ASB18: variants seen among roughly 807,000 people sequenced by gnomAD.
ASB18 encodes ankyrin repeat and SOCS box containing 18, also known as ankyrin repeat and SOCS box protein 18.
In ASB18, 33 loss-of-function variants were observed where a neutral mutation model predicts 33.4. The observed-to-expected ratio is 0.99, with a 90% CI of 0.75 to 1.32. ASB18 has a LOEUF of 1.32. ASB18 is among the 40% of genes most tolerant of loss of function. The pLI is 0.00. For synonymous variants in ASB18, 295 were observed against 307.6 expected, an observed-to-expected ratio of 0.96 and a Z score of 0.43; for missense variants, 694 against 655.5, an observed-to-expected ratio of 1.06 and a Z score of -0.64.
rs770714210 is a variant in ASB18 at position 236,241,634 on chromosome 2, G to T, written c.206-232C>A. On this transcript the variant is annotated intron_variant, in intron 1 of 5. Coordinates refer to ENST00000409749, the MANE Select transcript of ASB18 (RefSeq NM_212556.4). This position sits in a 1 kb window ranked among gnomAD's most constrained non-coding sequence, Gnocchi z 4.2. The stretch of plus-strand genomic sequence containing the variant: ...TGTCATCCAGTTGGGGCTCGATGGT[G>T]GTATATTTATAACTCCTGTGGGCTC... 3.1e-6 allele frequency: 2 copies of T among 636,808 alleles called. No homozygotes were observed. The highest frequency in any genetic ancestry group is 5.6e-6 in the Non-Finnish European group (2 of 356,354). 39.4% of individuals were successfully genotyped at this position (636,808 alleles called of 1,614,324 possible).
In ASB18 at chr2:236,259,623, G is replaced by A; in HGVS notation, c.205+4518C>T. ...AGGTGAGCAGAGGAGGTGCAGCCCT[G>A]GCTGGGAGGATCCTGTTGGGATGGG... is the stretch of plus-strand genomic sequence containing the variant. On this transcript the variant is annotated intron_variant, in intron 1 of 5. Transcript: ENST00000409749. This position sits in a 1 kb window ranked among gnomAD's most constrained non-coding sequence, Gnocchi z 4.4. The A allele has an allele frequency of 2.1e-6, 1 of 470,246 alleles. No homozygotes were observed. Among genetic ancestry groups the A allele is most frequent in the Non-Finnish European group, 4.4e-6 (1 of 226,586 alleles). The allele number at this position is 470,246 out of a possible 1,614,324, so 29.1% of individuals were successfully genotyped here. A position where few individuals can be genotyped will look rare whatever the true frequency, so the allele number is the denominator to read the frequency against.
rs1576398564 is a variant in ASB18, at chr2:236,214,692, G to C, written c.771C>G (p.Ser257Arg). Residue 257 changes from serine (S) to arginine (R), a missense_variant, in exon 4 of 6, where the codon AGC (serine) becomes AGG (arginine). Transcript: ENST00000409749. The surrounding 1 kb of genome is among the most constrained non-coding windows in gnomAD (Gnocchi z 6.5). The part of the protein sequence containing the change: ...ARNGRGETAL[S>R]AACGAARRPD... ...GCCTCCGCGCCGCACCGCAGGCCGC[G>C]CTCAGAGCCGTCTCTCCGCGGCCGT... 8.7e-7 allele frequency: 1 copy of C among 1,145,402 alleles called. No homozygotes were observed. The highest frequency in any genetic ancestry group is 1.1e-6 in the Non-Finnish European group (1 of 933,538). The allele number at this position is 1,145,402 out of a possible 1,614,324, so 71.0% of individuals were successfully genotyped here.
In ASB18 at chr2:236,214,898, C is replaced by T. The variant is rs1199974768; in HGVS notation, c.597-32G>A. 2.2e-5 allele frequency: 26 copies of T among 1,206,624 alleles called. No homozygotes were observed. The highest frequency in any genetic ancestry group is 3.2e-5 in the African/African-American group (2 of 63,174). 74.7% of individuals were successfully genotyped at this position (1,206,624 alleles called of 1,614,324 possible). On this transcript the variant is annotated intron_variant, in intron 3 of 5. Transcript: ENST00000409749. This position sits in a 1 kb window ranked among gnomAD's most constrained non-coding sequence, Gnocchi z 6.5. ...GAAGCCAGGGCCTGTCACTCGGGCGCCACGCAGGACGCCCGCACCCTTCCA... is the reference window on the plus strand; with the variant it reads ...GAAGCCAGGGCCTGTCACTCGGGCGTCACGCAGGACGCCCGCACCCTTCCA...
In ASB18 at chr2:236,222,515, A is replaced by G. The variant is rs191741982; in HGVS notation, c.597-7649T>C. ...AAATGATTTAGTGAACAAGATTTGT[A>G]CAGTCAGCTCCACTGTGTGCCCCAT... On this transcript the variant is annotated intron_variant, in intron 3 of 5. Coordinates refer to ENST00000409749, the MANE Select transcript of ASB18 (RefSeq NM_212556.4). The surrounding 1 kb of genome is among the most constrained non-coding windows in gnomAD (Gnocchi z 5.5). Among the ~76,000 whole-genome samples, 848 of 152,346 alleles carry G rather than the reference A, an allele frequency of 5.6e-3. 10 individuals carry two copies. Among genetic ancestry groups the G allele is most frequent in the African/African-American group, 0.02 (817 of 41,586 alleles).
chr2:236,230,652 C>T (rs1346822877), intron 3 of ASB18, among the ~76,000 whole-genome samples: 1 of 150,662 alleles, frequency 6.6e-6, no homozygotes, highest in East Asian at 1.9e-4. Flanking sequence ...AATAGTATTA[C>T]CTGAGGGTAG....
chr2:236,253,396 A>G lies in ASB18; in HGVS notation c.205+10745T>C, dbSNP rs1218850000. 6.6e-6 allele frequency among the ~76,000 whole-genome samples: 1 copy of G among 152,108 alleles called. No homozygotes were observed. Among genetic ancestry groups the G allele is most frequent in the Non-Finnish European group, 1.5e-5 (1 of 68,020 alleles). On this transcript the variant is annotated intron_variant, in intron 1 of 5. Coordinates refer to ENST00000409749, the MANE Select transcript of ASB18 (RefSeq NM_212556.4). The surrounding 1 kb of genome is among the most constrained non-coding windows in gnomAD (Gnocchi z 5.4). ...CTTTATTTTTGTTTTTATTTTTTTA[A>G]GGACAGCGTCTCACTCTGTTGCCTA... is the stretch of plus-strand genomic sequence containing the variant.
chr2:236,197,859 T>C (rs12328307), intron 4 of ASB18, among the ~76,000 whole-genome samples: 31,816 of 151,932 alleles, frequency 0.21, 4,814 homozygotes, highest in African/African-American at 0.42. Context: ...TCAGATTCGA[T>C]TTTGGAGAGG....
At position 236,222,268 on chromosome 2, in the gene ASB18, A is replaced by G. The variant is rs1354283710; in HGVS notation, c.597-7402T>C. Among the ~76,000 whole-genome samples, 1 of 152,192 alleles carries G rather than the reference A, an allele frequency of 6.6e-6. No individual in the cohort carries two copies. Among genetic ancestry groups the G allele is most frequent in the African/African-American group, 2.4e-5 (1 of 41,454 alleles). On this transcript the variant is annotated intron_variant, in intron 3 of 5. Transcript: ENST00000409749. This position sits in a 1 kb window ranked among gnomAD's most constrained non-coding sequence, Gnocchi z 5.5. ...GCTAAGCTATGAGACTATCAGACAT[A>G]AATGTTTACAATTGAAATGGCTGAT...
chr2:236,243,850 A>T (rs969189329), intron 1 of ASB18, among the ~76,000 whole-genome samples: 2 of 151,742 alleles, frequency 1.3e-5, no homozygotes, highest in African/African-American at 4.8e-5. Context: ...TTTTTGAGAT[A>T]GAGTCTTGCT....
In ASB18 at chr2:236,249,487, T is replaced by C. The variant is rs2060659630; in HGVS notation, c.206-8085A>G. The C allele has an allele frequency of 6.6e-6, 1 of 152,178 alleles. No individual in the cohort carries two copies. The allele number at this position is 152,178 out of a possible 1,614,324, so 9.4% of individuals were successfully genotyped here. On this transcript the variant is annotated intron_variant, in intron 1 of 5. Coordinates refer to ENST00000409749, the MANE Select transcript of ASB18 (RefSeq NM_212556.4). The surrounding 1 kb of genome is among the most constrained non-coding windows in gnomAD (Gnocchi z 4.6). The stretch of plus-strand genomic sequence containing the variant: ...GTACAGCCATGGAAATCCTCCCCCT[T>C]TTTTCTTCAGTGTTGTTCTGTGCAC...
intron 3 of ASB18, among the ~76,000 whole-genome samples, chr2:236,232,558 T>C (rs530470467): frequency 8.7e-4 from 133 of 152,052 alleles, no homozygotes; most frequent in African/African-American, 3.0e-3. Context: ...GCAAGACTTA[T>C]TGGGGGGAAA....
chr2:236,214,972 C>A lies in ASB18; in HGVS notation c.597-106G>T. On this transcript the variant is annotated intron_variant, in intron 3 of 5. Coordinates refer to ENST00000409749, the MANE Select transcript of ASB18 (RefSeq NM_212556.4). This position sits in a 1 kb window ranked among gnomAD's most constrained non-coding sequence, Gnocchi z 6.5. ...ATCAAGTGACCTCTGAATGAAAAGACATGCTCCGCTCTCCCATACCAAGGC... is the reference window on the plus strand; with the variant it reads ...ATCAAGTGACCTCTGAATGAAAAGAAATGCTCCGCTCTCCCATACCAAGGC... The A allele has an allele frequency of 2.5e-6, 2 of 805,990 alleles. No individual in the cohort carries two copies. The highest frequency in any genetic ancestry group is 1.6e-6 in the Non-Finnish European group (1 of 628,372). 49.9% of individuals were successfully genotyped at this position (805,990 alleles called of 1,614,324 possible).
chr2:236,240,757 C>T (rs1359609774), intron 2 of ASB18, among the ~76,000 whole-genome samples: 3 of 152,228 alleles, frequency 2.0e-5, no homozygotes, highest in African/African-American at 7.2e-5. Context: ...CCTCTGGTTT[C>T]TTCCTTTTTC....
In ASB18 at chr2:236,253,438, C is replaced by T. The variant is rs187890824; in HGVS notation, c.205+10703G>A. Reference sequence around the variant, plus strand: ...TGTTGCCTAGGCTAGAGTACAGTGGCACAGTCATAGCTCACTGTAACCTGA... The same window carrying T: ...TGTTGCCTAGGCTAGAGTACAGTGGTACAGTCATAGCTCACTGTAACCTGA... On this transcript the variant is annotated intron_variant, in intron 1 of 5. Coordinates refer to ENST00000409749, the MANE Select transcript of ASB18 (RefSeq NM_212556.4). This position sits in a 1 kb window ranked among gnomAD's most constrained non-coding sequence, Gnocchi z 5.4. Among the ~76,000 whole-genome samples the T allele has an allele frequency of 7.6e-4, 115 of 152,204 alleles. No individual in the cohort carries two copies. Among genetic ancestry groups the T allele is most frequent in the Admixed American group, 1.4e-3 (22 of 15,294 alleles).
chr2:236,247,728 A>G (rs2060651370), intron 1 of ASB18: 1 of 152,218 alleles, frequency 6.6e-6, no homozygotes, highest in Non-Finnish European at 1.5e-5. Flanking sequence ...ATCCAATGCA[A>G]CTTCTTTCAA....
In ASB18 at chr2:236,237,827, CGGCCGCCGG is replaced by C; in HGVS notation, c.449_457del (p.Pro150_Gly152del). The C allele has an allele frequency of 7.3e-7, 1 of 1,374,458 alleles. No individual in the cohort carries two copies. The highest frequency in any genetic ancestry group is 9.3e-7 in the Non-Finnish European group (1 of 1,074,978). The allele number at this position is 1,374,458 out of a possible 1,614,324, so 85.1% of individuals were successfully genotyped here. On this transcript the variant is annotated inframe_deletion, in exon 3 of 6. Transcript: ENST00000409749. The surrounding 1 kb of genome is among the most constrained non-coding windows in gnomAD (Gnocchi z 6.2). ...GAGGCAGGCCTCGTGCAGGGCGCCG[CGGCCGCCGG>C]GGCTGGCGTCTGGGTCTGCGCCGCG...
Position 236,195,068 on chromosome 2 carries a change from A to G in ASB18, c.1216-11T>C. ...GAACGGCTTGTGCATCTGGAAGGGA[A>G]GGCAGGTGGATTAGAAATCTGGGCA... On this transcript the variant is annotated splice_polypyrimidine_tract_variant and intron_variant, in intron 5 of 5. Coordinates refer to ENST00000409749, the MANE Select transcript of ASB18 (RefSeq NM_212556.4). The surrounding 1 kb of genome is among the most constrained non-coding windows in gnomAD (Gnocchi z 5.5). The G allele has an allele frequency of 6.2e-7, 1 of 1,602,668 alleles. No homozygotes were observed. The highest frequency in any genetic ancestry group is 2.2e-5 in the East Asian group (1 of 44,654).
intron 4 of ASB18, among the ~76,000 whole-genome samples, chr2:236,207,485 G>A (rs2060440112): frequency 6.6e-6 from 1 of 152,148 alleles, no homozygotes; most frequent in African/African-American, 2.4e-5. Flanking sequence ...CTATTTTTCG[G>A]TTTGTCCTCT....
At chr2:236,227,281 T>C (rs1437735248) in intron 3 of ASB18, among the ~76,000 whole-genome samples, 1 of 152,102 alleles carries the variant, frequency 6.6e-6, no homozygotes, top group Non-Finnish European at 1.5e-5. Context: ...CCAATAACTA[T>C]GGAGATAAAG....
Sources: allele counts gnomAD v4.1 joint callset (sites outside exome capture counted in the v4.1 genomes callset), GRCh38; gene constraint gnomAD v4.1.1; non-coding constraint Gnocchi (gnomAD v3.1); transcripts MANE v1.5; gene names NCBI Gene and HGNC (gene_info 2026-07-23, HGNC 2026-07-21).